The following VPS53 variants were observed in gnomAD, a reference collection of about 807,000 sequenced individuals.
VPS53 encodes vacuolar protein sorting-associated protein 53 homolog.
VPS53 carries 70 observed loss-of-function variants against 107.0 expected under a neutral mutation model. The ratio of observed to expected loss-of-function variants is 0.65; its 90% CI spans 0.54 to 0.80. The LOEUF is 0.80. Among genes scored for constraint, VPS53 ranks in the 30% least tolerant of loss-of-function variants. The pLI is 0.00. For synonymous variants in VPS53, 409 were observed against 393.3 expected (o/e 1.04, Z -0.47); for missense variants, 917 against 1,049.4 (o/e 0.87, Z 1.74).
At chr17:663,329 T>G (rs956524256) in intron 4 of VPS53, among the ~76,000 whole-genome samples, 1 of 152,208 alleles carries the variant, frequency 6.6e-6, no homozygotes, top group Non-Finnish European at 1.5e-5. Context: ...GGAAGCAACA[T>G]GAGGGCAGTT....
At chr17:628,003 C>A (rs373660782) in intron 9 of VPS53, 85 bp downstream of exon 9, 10 of 1,322,344 alleles carry the variant, frequency 7.6e-6, no homozygotes, top group Non-Finnish European at 9.3e-6. Context: ...TCATGTAATA[C>A]GAGGTCTAAA....
rs534568949 is a variant in VPS53 at position 570,666 on chromosome 17, TAAAC to T, written c.1314-7925_1314-7922del. 1.4e-3 allele frequency among the ~76,000 whole-genome samples: 216 copies of T among 152,280 alleles called. 1 individual carries two copies. The highest frequency in any genetic ancestry group is 5.0e-3 in the African/African-American group (207 of 41,550). ...TGCAACCTGTGATCCTAGAGCTATTTAAACAAACAAACAACCTGCGATCTGAGAG... is the reference window on the plus strand; with the variant it reads ...TGCAACCTGTGATCCTAGAGCTATTTAAACAAACAACCTGCGATCTGAGAG... On this transcript the variant is annotated intron_variant, in intron 13 of 21. Coordinates refer to ENST00000437048, the MANE Select transcript of VPS53 (RefSeq NM_001128159.3).
chr17:570,214 A>G (rs567456884), intron 13 of VPS53, among the ~76,000 whole-genome samples: 19 of 151,882 alleles, frequency 1.3e-4, no homozygotes, highest in Non-Finnish European at 2.1e-4. Context: ...TAAAAAAAAG[A>G]CAAAAATTAG....
rs937641968 is a variant in VPS53 at position 698,842 on chromosome 17, T to C, written c.218+489A>G. Among the ~76,000 whole-genome samples, 9 of 152,312 alleles carry C rather than the reference T, an allele frequency of 5.9e-5. No homozygotes were observed. The Middle Eastern group carries it at 0.01, about 173-fold the overall frequency. ...GAAGAATTGAAGACTGGCCAAAGCA[T>C]TGAGTTCCTTGCCACAAAGTTCATA... On this transcript the variant is annotated intron_variant, in intron 3 of 21. Coordinates refer to ENST00000437048, the MANE Select transcript of VPS53 (RefSeq NM_001128159.3).
At chr17:657,093 C>T in intron 5 of VPS53, 4 of 1,061,610 alleles carry the variant, frequency 3.8e-6, no homozygotes, top group Non-Finnish European at 1.5e-6. Flanking sequence ...TTGCCAGTCT[C>T]CAAATCAATC....
intron 17 of VPS53, among the ~76,000 whole-genome samples, chr17:546,404 C>T (rs1165658374): frequency 3.4e-5 from 5 of 148,694 alleles, no homozygotes; most frequent in Admixed American, 1.3e-4. Flanking sequence ...AAATCAAGGA[C>T]ATTATCAAGA....
chr17:707,767 G>A (rs568142999), intron 2 of VPS53, among the ~76,000 whole-genome samples: 2 of 149,982 alleles, frequency 1.3e-5, no homozygotes, highest in African/African-American at 4.9e-5. Context: ...TAGTGGGAGC[G>A]CTAGAGTTCG....
At chr17:581,876 C>G (rs540206307) in intron 13 of VPS53, among the ~76,000 whole-genome samples, 6 of 151,824 alleles carry the variant, frequency 4.0e-5, no homozygotes, top group Non-Finnish European at 1.5e-5. Context: ...TCAGTACATT[C>G]GCAGACAACC....
intron 13 of VPS53, among the ~76,000 whole-genome samples, chr17:580,985 C>A (rs1966985232): frequency 6.6e-6 from 1 of 151,976 alleles, no homozygotes; most frequent in Non-Finnish European, 1.5e-5. Context: ...TCCCAGATAA[C>A]CTCCCTCAGA....
intron 7 of VPS53, among the ~76,000 whole-genome samples, chr17:640,341 C>T (rs961588990): frequency 4.6e-5 from 7 of 152,106 alleles, no homozygotes; most frequent in Non-Finnish European, 7.4e-5. Flanking sequence ...TGACCCCTTG[C>T]GCTTCCCGGG....
At chr17:657,682 T>G (rs1971247906) in intron 5 of VPS53, 1 of 555,468 alleles carries the variant, frequency 1.8e-6, no homozygotes, top group South Asian at 2.1e-5. Context: ...ACACAAATAC[T>G]GTAGTCACTG....
chr17:656,026 C>A, intron 5 of VPS53, 73 bp from the exon 6 acceptor site: 1 of 1,197,770 alleles, frequency 8.3e-7, no homozygotes, highest in South Asian at 1.4e-5. Context: ...GCAAGTAGCT[C>A]TGTAAGAAAC....
At chr17:556,919 G>A (rs1236274123) in intron 15 of VPS53, among the ~76,000 whole-genome samples, 2 of 151,278 alleles carry the variant, frequency 1.3e-5, no homozygotes, top group African/African-American at 2.4e-5. Flanking sequence ...TGCTGAAGGG[G>A]GGTGGCCAGG....
At chr17:585,427 T>C (rs1431813507) in intron 13 of VPS53, among the ~76,000 whole-genome samples, 1 of 151,914 alleles carries the variant, frequency 6.6e-6, no homozygotes, top group Non-Finnish European at 1.5e-5. Context: ...GAGGCTCAAG[T>C]GGGTGGATCA....
Position 563,287 on chromosome 17 carries a change from CTTTTTTTTTTTTT to C in VPS53, c.1314-555_1314-543del, listed in dbSNP as rs36076034. 8.0e-4 allele frequency among the ~76,000 whole-genome samples: 83 copies of C among 103,322 alleles called. 2 individuals are homozygous for C. In the East Asian group the frequency reaches 0.019, roughly 24 times the overall value. 67.8% of individuals were successfully genotyped at this position (103,322 alleles called of 152,430 possible). The stretch of plus-strand genomic sequence containing the variant: ...TACCCATCTCACTGAACTTCATTTC[CTTTTTTTTTTTTT>C]TTTTTTTTTTTTGAGACAGAGTCTT... On this transcript the variant is annotated intron_variant, in intron 13 of 21. Coordinates refer to ENST00000437048, the MANE Select transcript of VPS53 (RefSeq NM_001128159.3).
At chr17:572,756 T>A (rs1385129678) in intron 13 of VPS53, among the ~76,000 whole-genome samples, 1 of 148,808 alleles carries the variant, frequency 6.7e-6, no homozygotes, top group Non-Finnish European at 1.5e-5. Context: ...CTGAAGCATG[T>A]GCTGTGACCA....
chr17:686,835 A>G (rs1404999166), intron 4 of VPS53, among the ~76,000 whole-genome samples: 2 of 152,196 alleles, frequency 1.3e-5, no homozygotes, highest in Non-Finnish European at 2.9e-5. Flanking sequence ...ACATTGTGCA[A>G]AAAAGGTGTT....
intron 9 of VPS53, 132 bp from the exon 10 acceptor site, chr17:627,448 A>G: frequency 8.3e-7 from 1 of 1,210,016 alleles, no homozygotes; most frequent in Admixed American, 3.1e-5. Context: ...TAAAGAATCT[A>G]GGCTACCTTT....
At chr17:530,264 C>G (rs1222580156) in intron 19 of VPS53, among the ~76,000 whole-genome samples, 2 of 151,586 alleles carry the variant, frequency 1.3e-5, no homozygotes, top group African/African-American at 4.8e-5. Flanking sequence ...AGCAATTCTC[C>G]TGCCTCAGCC....
Sources: gnomAD v4.1 joint callset for allele counts (sites outside exome capture counted in the v4.1 genomes callset) on GRCh38, gnomAD v4.1.1 for gene constraint, MANE v1.5 for transcripts, NCBI Gene and HGNC (gene_info 2026-07-23, HGNC 2026-07-21) for gene names.